Variants in HIRA observed in about 807,000 individuals in gnomAD.
HIRA encodes protein HIRA.
A neutral mutation model predicts 126.6 loss-of-function variants in HIRA; 13 were observed. The ratio of observed to expected loss-of-function variants is 0.10; its 90% CI spans 0.07 to 0.16. The LOEUF (loss-of-function observed/expected upper bound fraction) is 0.16. HIRA is among the 10% of genes least tolerant of loss of function. The probability of loss-of-function intolerance (pLI) is 1.00; values close to 1 mark genes in which losing one functional copy is unlikely to be tolerated. For synonymous variants in HIRA, 511 were observed against 520.0 expected, an observed-to-expected ratio of 0.98 and a Z score of 0.24; for missense variants, 834 against 1,314.4, an observed-to-expected ratio of 0.63 and a Z score of 5.65.
intron 5 of HIRA, among the ~76,000 whole-genome samples, chr22:19,403,567 G>A (rs572837987): frequency 5.3e-5 from 8 of 152,232 alleles, no homozygotes; most frequent in Admixed American, 6.5e-5. Flanking sequence ...AGCTGAGATC[G>A]TAACACTGCA....
chr22:19,342,919 A>C (rs2088647357), intron 24 of HIRA, among the ~76,000 whole-genome samples: 1 of 152,240 alleles, frequency 6.6e-6, no homozygotes, highest in Non-Finnish European at 1.5e-5. Context: ...CTCAGCCTTA[A>C]AAAGGAATGA....
chr22:19,392,192 T>C lies in HIRA; in HGVS notation c.845A>G (p.Lys282Arg). The C allele has an allele frequency of 1.2e-6, 2 of 1,608,068 alleles. No homozygotes were observed. The highest frequency in any genetic ancestry group is 2.2e-5 in the East Asian group (1 of 44,762). Residue 282 changes from lysine to arginine, a missense_variant, in exon 9 of 25, where the codon AAA becomes AGA. This residue lies in a region of HIRA where 153 missense variants were observed against 270.6 expected (regional missense o/e 0.57). Coordinates refer to ENST00000263208, the MANE Select transcript of HIRA (RefSeq NM_003325.4). ...AGAACTCCCATTCTTCTGCTTCTTT[T>C]TGAAGATTTTTGGGTTGAATTTCTA... The part of the protein sequence containing the change: ...TVVKFNPKIF[K>R]KKQKNGSSAK...
chr22:19,399,285 AG>A (rs1486736350), intron 5 of HIRA: 3 of 303,746 alleles, frequency 9.9e-6, no homozygotes, highest in Non-Finnish European at 1.5e-5. Context: ...AAGAGGTTTA[AG>A]CAAAATATTC....
chr22:19,388,958 C>T (rs1240809482), intron 9 of HIRA, among the ~76,000 whole-genome samples: 1 of 152,150 alleles, frequency 6.6e-6, no homozygotes, highest in Non-Finnish European at 1.5e-5. Context: ...ATGAGGCACC[C>T]TGAGAGAGAA....
rs371498793 is a variant in HIRA at position 19,356,928 on chromosome 22, G to A, written c.2358C>T (p.Tyr786=). The part of the protein sequence containing the change: ...PISTLHCTGS[Y]VMALTAAATL... Reference sequence around the variant, plus strand: ...TGGCTGCAGCGGTGAGCGCCATGACGTAGGAGCCTGTGCAATGCAAAGTAG... The same window carrying A: ...TGGCTGCAGCGGTGAGCGCCATGACATAGGAGCCTGTGCAATGCAAAGTAG... Residue 786 remains tyrosine (Y), a synonymous_variant, in exon 19 of 25, where the codon TAC becomes TAT. Coordinates refer to ENST00000263208, the MANE Select transcript of HIRA (RefSeq NM_003325.4). 2.7e-5 allele frequency: 43 copies of A among 1,613,808 alleles called. No homozygotes were observed. Among genetic ancestry groups the A allele is most frequent in the Non-Finnish European group, 3.5e-5 (41 of 1,180,016 alleles).
intron 9 of HIRA, among the ~76,000 whole-genome samples, chr22:19,388,778 G>T (rs5992398): frequency 0.16 from 23,726 of 152,202 alleles, 3,903 homozygotes; most frequent in African/African-American, 0.41. Flanking sequence ...TCCAGGGCTT[G>T]CTGTGGTCTG....
intron 1 of HIRA, among the ~76,000 whole-genome samples, chr22:19,427,739 G>C (rs1442695077): frequency 6.6e-6 from 1 of 152,178 alleles, no homozygotes; most frequent in South Asian, 2.1e-4. Context: ...CATAAGCGCT[G>C]TCTGCCCAGG....
chr22:19,419,237 A>G (rs2089424440), intron 1 of HIRA, among the ~76,000 whole-genome samples: 1 of 152,124 alleles, frequency 6.6e-6, no homozygotes, highest in Admixed American at 6.5e-5. Flanking sequence ...TGCTCTACCC[A>G]CTGTCTGCCC....
intron 15 of HIRA, among the ~76,000 whole-genome samples, chr22:19,364,193 T>G (rs537723587): frequency 6.7e-6 from 1 of 149,080 alleles, no homozygotes; most frequent in Admixed American, 6.7e-5. Context: ...GAGAAAGACA[T>G]GCCATGATAA....
Position 19,386,394 on chromosome 22 carries a change from A to G in HIRA, c.1114-658T>C, listed in dbSNP as rs1601836039. 2.0e-5 allele frequency among the ~76,000 whole-genome samples: 3 copies of G among 152,340 alleles called. No homozygotes were observed. In the South Asian group the frequency reaches 6.2e-4, roughly 32 times the overall value. On this transcript the variant is annotated intron_variant, in intron 11 of 24. Coordinates refer to ENST00000263208, the MANE Select transcript of HIRA (RefSeq NM_003325.4). ...CACACTGTAGTGACTGCTGTACATG[A>G]AAGTGCATGAGGAACACACTTCCAT...
chr22:19,399,876 T>C (rs1251907655), intron 5 of HIRA, among the ~76,000 whole-genome samples: 1 of 152,220 alleles, frequency 6.6e-6, no homozygotes. Context: ...GACCATTTAC[T>C]GGGAAGTGTT....
intron 1 of HIRA, among the ~76,000 whole-genome samples, chr22:19,425,037 C>T (rs2089478751): frequency 6.6e-6 from 1 of 152,146 alleles, no homozygotes; most frequent in South Asian, 2.1e-4. Context: ...CAGCAGACGT[C>T]CCCTCCTAGT....
chr22:19,381,698 G>T (rs949154405), intron 13 of HIRA, among the ~76,000 whole-genome samples: 10 of 152,106 alleles, frequency 6.6e-5, no homozygotes, highest in Admixed American at 6.5e-4. Flanking sequence ...TTAGGATTTT[G>T]CACTGACATT....
intron 24 of HIRA, among the ~76,000 whole-genome samples, chr22:19,341,247 T>A (rs2088624809): frequency 6.6e-6 from 1 of 152,030 alleles, no homozygotes; most frequent in African/African-American, 2.4e-5. Context: ...GCCCAGGAGT[T>A]CGAGACCAGC....
At chr22:19,366,023 A>ATCTCTTAAATAAATTAAG (rs2088909214) in intron 15 of HIRA, 1 of 150,618 alleles carries the variant, frequency 6.6e-6, no homozygotes, top group Non-Finnish European at 1.5e-5. Context: ...CAGCCTGGGC[A>ATCTCTTAAATAAATTAAG]ACATAGCAAG....
intron 1 of HIRA, among the ~76,000 whole-genome samples, chr22:19,420,040 T>TTGTGTGTGTGTGTGTG (rs59900884): frequency 1.0e-4 from 15 of 147,318 alleles, no homozygotes; most frequent in African/African-American, 3.7e-4. Flanking sequence ...CATACAACCA[T>TTGTGTGTGTGTGTGTG]TGTGTGTGTG....
intron 24 of HIRA, among the ~76,000 whole-genome samples, chr22:19,350,609 A>G (rs1241227610): frequency 1.3e-5 from 2 of 151,906 alleles, no homozygotes; most frequent in African/African-American, 2.4e-5. Context: ...AGTCACCTTC[A>G]TCTCTTCCTG....
intron 7 of HIRA, among the ~76,000 whole-genome samples, chr22:19,395,665 C>G (rs755575322): frequency 6.6e-6 from 1 of 152,144 alleles, no homozygotes; most frequent in Non-Finnish European, 1.5e-5. Context: ...CTCATGTGTC[C>G]CTCGCTCTGT....
chr22:19,385,639 T>A lies in HIRA; in HGVS notation c.1211A>T (p.Tyr404Phe). 6.2e-7 allele frequency: 1 copy of A among 1,614,210 alleles called. No individual in the cohort carries two copies. Among genetic ancestry groups the A allele is most frequent in the Non-Finnish European group, 8.5e-7 (1 of 1,180,036 alleles). Residue 404 changes from tyrosine to phenylalanine, a missense_variant, in exon 12 of 25, where the codon TAC becomes TTC. Coordinates refer to ENST00000263208, the MANE Select transcript of HIRA (RefSeq NM_003325.4). ...CTGCTGCTGCTGCTGCCTTCGCTGG[T>A]ACTTGAGCATCTCAGGGTTCTCAAT... The part of the protein sequence containing the change: ...AVIENPEMLK[Y>F]QRRQQQQQLD...
Sources: allele counts gnomAD v4.1 joint callset (sites outside exome capture counted in the v4.1 genomes callset), GRCh38; gene constraint gnomAD v4.1.1; regional missense constraint gnomAD v4.1.1; transcripts MANE v1.5; gene names NCBI Gene and HGNC (gene_info 2026-07-23, HGNC 2026-07-21).